CFAP61: variants seen among roughly 807,000 people sequenced by gnomAD.
CFAP61 encodes the protein cilia and flagella associated protein 61.
A neutral mutation model predicts 135.6 loss-of-function variants in CFAP61; 107 were observed. That is an observed-to-expected ratio of 0.79 (90% CI 0.67 to 0.93). The LOEUF (loss-of-function observed/expected upper bound fraction) is 0.93, where lower values mean the gene tolerates loss of function less well. CFAP61 is among the 40% of genes least tolerant of loss of function. The pLI, the probability that CFAP61 is intolerant of heterozygous loss-of-function variation, is 0.00. For synonymous variants in CFAP61, 575 were observed against 578.5 expected (o/e 0.99, Z 0.09); for missense variants, 1,507 against 1,556.2 (o/e 0.97, Z 0.53).
At chr20:20,093,436 T>C in intron 7 of CFAP61, among the ~76,000 whole-genome samples, 1 of 13,950 alleles carries the variant, frequency 7.2e-5, no homozygotes, top group Non-Finnish European at 1.7e-4. Context: ...GTGTATTTCT[T>C]TTTTTTTTTT....
At chr20:20,215,499 T>A (rs1211755787) in intron 17 of CFAP61, among the ~76,000 whole-genome samples, 1 of 152,160 alleles carries the variant, frequency 6.6e-6, no homozygotes, top group Non-Finnish European at 1.5e-5. Context: ...GGGGAGAGTA[T>A]TTGGAAGGAA....
rs2059376840 is a variant in CFAP61 at position 20,359,016 on chromosome 20, T to C, written c.3514-1194T>C. On this transcript the variant is annotated intron_variant, in intron 26 of 26. Coordinates refer to ENST00000245957, the MANE Select transcript of CFAP61 (RefSeq NM_015585.4). This position sits in a 1 kb window ranked among gnomAD's most constrained non-coding sequence, Gnocchi z 4.0. ...GAAGTACCCTGCTCTGGAGGGCAGA[T>C]ATGCAGTGGTGAAGCAAATATAGCA... 6.6e-6 allele frequency among the ~76,000 whole-genome samples: 1 copy of C among 152,184 alleles called. No individual in the cohort carries two copies. Among genetic ancestry groups the C allele is most frequent in the Non-Finnish European group, 1.5e-5 (1 of 68,038 alleles).
chr20:20,250,374 G>A (rs141353023), intron 19 of CFAP61, among the ~76,000 whole-genome samples: 3 of 152,326 alleles, frequency 2.0e-5, no homozygotes, highest in South Asian at 4.1e-4. Flanking sequence ...GTGTTAAGAG[G>A]TGAGGAAACT....
In CFAP61 at chr20:20,176,636, T is replaced by C. The variant is rs143906230; in HGVS notation, c.1385+7176T>C. ...AAACCAAACACCGCACGTTCTCACT[T>C]ATAAGTGGGAGCTGAATGATGAGAA... is the stretch of plus-strand genomic sequence containing the variant. On this transcript the variant is annotated intron_variant, in intron 13 of 26. Coordinates refer to ENST00000245957, the MANE Select transcript of CFAP61 (RefSeq NM_015585.4). 7.6e-3 allele frequency among the ~76,000 whole-genome samples: 1,160 copies of C among 152,078 alleles called. 11 individuals are homozygous for C. Among genetic ancestry groups the C allele is most frequent in the African/African-American group, 0.027 (1,107 of 41,462 alleles).
At chr20:20,265,324 G>A (rs1270193144) in intron 21 of CFAP61, 1 of 777,088 alleles carries the variant, frequency 1.3e-6, no homozygotes, top group Non-Finnish European at 2.4e-6. Flanking sequence ...GTCTTAAGGT[G>A]GAATATTGAT....
chr20:20,269,152 C>CACACACACACACATACATATATGTAT (rs2053088169), intron 21 of CFAP61, among the ~76,000 whole-genome samples: 5 of 89,514 alleles, frequency 5.6e-5, no homozygotes, highest in African/African-American at 1.8e-4. Flanking sequence ...TATATACACA[C>CACACACACACACATACATATATGTAT]ACACACACAC....
intron 13 of CFAP61, among the ~76,000 whole-genome samples, chr20:20,186,739 T>C (rs982561071): frequency 2.0e-5 from 3 of 152,230 alleles, no homozygotes; most frequent in African/African-American, 7.2e-5. Flanking sequence ...ACTTTGTTCA[T>C]AATATGGAAG....
chr20:20,148,685 T>C (rs2052123786), intron 9 of CFAP61, among the ~76,000 whole-genome samples: 1 of 152,024 alleles, frequency 6.6e-6, no homozygotes, highest in Non-Finnish European at 1.5e-5. Flanking sequence ...TTTTGGATGT[T>C]TTAGTGTTTT....
chr20:20,329,052 A>G (rs915998538), intron 25 of CFAP61, among the ~76,000 whole-genome samples: 1 of 152,116 alleles, frequency 6.6e-6, no homozygotes, highest in Non-Finnish European at 1.5e-5. Context: ...TTTGGCTGGT[A>G]GGAATCAACC....
intron 7 of CFAP61, among the ~76,000 whole-genome samples, chr20:20,091,524 A>G (rs544166553): frequency 2.1e-4 from 31 of 144,544 alleles, no homozygotes; most frequent in Non-Finnish European, 3.5e-4. Context: ...TCTCTCTCTC[A>G]TGTATATTCT....
At chr20:20,150,385 C>A (rs1272182721) in intron 9 of CFAP61, among the ~76,000 whole-genome samples, 1 of 152,158 alleles carries the variant, frequency 6.6e-6, no homozygotes, top group Non-Finnish European at 1.5e-5. Context: ...AGCTTATATC[C>A]CCCTTCTACT....
At chr20:20,088,227 T>A (rs769974314) in intron 6 of CFAP61, among the ~76,000 whole-genome samples, 1 of 152,226 alleles carries the variant, frequency 6.6e-6, no homozygotes, top group Non-Finnish European at 1.5e-5. Context: ...ACAAAGGATC[T>A]GGTTGCCTGG....
chr20:20,185,477 T>G (rs1229825266), intron 13 of CFAP61, among the ~76,000 whole-genome samples: 1 of 152,156 alleles, frequency 6.6e-6, no homozygotes, highest in African/African-American at 2.4e-5. Context: ...AAAGTTAGGC[T>G]GAAAGAGAGG....
intron 2 of CFAP61, among the ~76,000 whole-genome samples, chr20:20,066,797 T>C (rs1013750184): frequency 6.6e-6 from 1 of 152,066 alleles, no homozygotes; most frequent in African/African-American, 2.4e-5. Context: ...TCTGCACATG[T>C]ATCCCAGAAC....
intron 25 of CFAP61, among the ~76,000 whole-genome samples, chr20:20,328,385 A>T (rs1307167777): frequency 6.6e-6 from 1 of 152,156 alleles, no homozygotes; most frequent in Non-Finnish European, 1.5e-5. Context: ...AGCTCTGGTG[A>T]TATATACAAC....
intron 25 of CFAP61, among the ~76,000 whole-genome samples, chr20:20,337,345 G>GATA (rs1211516774): frequency 2.3e-4 from 4 of 17,294 alleles, no homozygotes; most frequent in Non-Finnish European, 9.1e-4. Flanking sequence ...TGGATAGATG[G>GATA]GTGGGTGGGT....
intron 26 of CFAP61, among the ~76,000 whole-genome samples, chr20:20,343,896 C>A (rs767322826): frequency 2.0e-5 from 3 of 152,178 alleles, no homozygotes; most frequent in African/African-American, 7.2e-5. Flanking sequence ...TACCTGTGTA[C>A]GGATATTTGC....
intron 25 of CFAP61, among the ~76,000 whole-genome samples, chr20:20,336,517 T>C (rs2058197277): frequency 6.6e-6 from 1 of 151,948 alleles, no homozygotes; most frequent in African/African-American, 2.4e-5. Flanking sequence ...CCCAGCTATT[T>C]GAGAGGCTGA....
At chr20:20,269,231 A>C in intron 21 of CFAP61, among the ~76,000 whole-genome samples, 1 of 143,392 alleles carries the variant, frequency 7.0e-6, no homozygotes, top group East Asian at 2.0e-4. Context: ...ACATATATGT[A>C]TATATATACA....
Sources: gnomAD v4.1 joint callset for allele counts (sites outside exome capture counted in the v4.1 genomes callset) on GRCh38, gnomAD v4.1.1 for gene constraint, Gnocchi (gnomAD v3.1) non-coding constraint, MANE v1.5 for transcripts, NCBI Gene and HGNC (gene_info 2026-07-23, HGNC 2026-07-21) for gene names.